The following MFSD11 variants were observed in gnomAD, a reference collection of about 807,000 sequenced individuals.
MFSD11 encodes the protein UNC93-like protein MFSD11.
Under a neutral mutation model 53.5 loss-of-function variants are expected in MFSD11, and 36 were observed. The observed-to-expected ratio is 0.67, with a 90% confidence interval of 0.52 to 0.89. The LOEUF is 0.89. MFSD11 is among the 40% of genes least tolerant of loss of function. The pLI, the probability that MFSD11 is intolerant of heterozygous loss-of-function variation, is 0.00. For missense variants in MFSD11, 530 were observed against 543.9 expected, an observed-to-expected ratio of 0.97 and a Z score of 0.25; for synonymous variants, 186 against 184.9, an observed-to-expected ratio of 1.01 and a Z score of -0.05.
rs570821553 is a variant in MFSD11, at chr17:76,739,688, T to C, written c.152+695T>C. ...GCTGTAGAAACAGTTTCTTAATTTC[T>C]CTAGAGTTAGAGATTGGATCGTGGC... is the stretch of plus-strand genomic sequence containing the variant. On this transcript the variant is annotated intron_variant, in intron 2 of 12. Coordinates refer to ENST00000685175, the MANE Select transcript of MFSD11 (RefSeq NM_001242532.5). Among the ~76,000 whole-genome samples, 4 of 152,314 alleles carry C rather than the reference T, an allele frequency of 2.6e-5. 1 individual carries two copies. Among genetic ancestry groups the C allele is most frequent in the African/African-American group, 9.6e-5 (4 of 41,564 alleles).
intron 10 of MFSD11, chr17:76,773,387 C>T (rs1312021696): frequency 6.6e-6 from 1 of 152,204 alleles, no homozygotes; most frequent in African/African-American, 2.4e-5. Context: ...CTTGCCAGCA[C>T]TTGGTGTTAT....
At chr17:76,736,652 C>T, upstream of MFSD11, 1 of 1,184,948 alleles carries the variant, frequency 8.4e-7, no homozygotes, top group South Asian at 2.3e-5. Context: ...CGGAAGCTCG[C>T]GGGGTGGCCG....
At chr17:76,790,812 C>T in the MFSD11 span, among the ~76,000 whole-genome samples, 1 of 139,136 alleles carries the variant, frequency 7.2e-6, no homozygotes, top group Non-Finnish European at 1.5e-5. Flanking sequence ...TGGTGGCACA[C>T]ACCTTGTAGT....
At chr17:76,740,333 T>A (rs1270175190) in intron 2 of MFSD11, among the ~76,000 whole-genome samples, 1 of 152,170 alleles carries the variant, frequency 6.6e-6, no homozygotes. Context: ...ACAAGACATA[T>A]GTACTAGGGC....
chr17:76,763,859 T>G (rs568824177), intron 8 of MFSD11, among the ~76,000 whole-genome samples: 1 of 151,658 alleles, frequency 6.6e-6, no homozygotes, highest in African/African-American at 2.4e-5. Context: ...GTACAACATG[T>G]TTTTGTTTTT....
In MFSD11 at chr17:76,776,379, T is replaced by A; in HGVS notation, c.1050-27T>A. The A allele has an allele frequency of 6.2e-7, 1 of 1,610,848 alleles. No homozygotes were observed. Among genetic ancestry groups the A allele is most frequent in the Non-Finnish European group, 8.5e-7 (1 of 1,179,048 alleles). On this transcript the variant is annotated intron_variant, in intron 11 of 12. Transcript: ENST00000685175. The surrounding 1 kb of genome is among the most constrained non-coding windows in gnomAD (Gnocchi z 4.2). ...AAATGGCTCTAGCAGATATTGCTCA[T>A]ACTAAATTGATTTTTATTTTCTTCA...
upstream of MFSD11, chr17:76,738,116 G>C (rs568859548): frequency 1.2e-5 from 6 of 516,940 alleles, no homozygotes; most frequent in Non-Finnish European, 2.0e-5. Flanking sequence ...TTCTCCGGGG[G>C]TTGTGCTCTT....
chr17:76,769,676 A>G (rs922631964), intron 9 of MFSD11, 70 bp from the exon 10 acceptor site: 2 of 1,227,720 alleles, frequency 1.6e-6, no homozygotes, highest in Non-Finnish European at 2.3e-6. Flanking sequence ...TTCGTCAGAT[A>G]CTACTAGATG....
At chr17:76,746,904 G>C (rs1343278461) in intron 7 of MFSD11, among the ~76,000 whole-genome samples, 1 of 151,870 alleles carries the variant, frequency 6.6e-6, no homozygotes, top group Non-Finnish European at 1.5e-5. Flanking sequence ...GGATCAAGGA[G>C]TAATTTCCAT....
chr17:76,758,491 A>G (rs2079870971), intron 8 of MFSD11, among the ~76,000 whole-genome samples: 1 of 150,784 alleles, frequency 6.6e-6, no homozygotes, highest in South Asian at 2.1e-4. Context: ...GCTGAGGTGG[A>G]AGGATTGCTT....
chr17:76,752,668 T>C (rs2079160721), intron 7 of MFSD11, among the ~76,000 whole-genome samples: 1 of 152,144 alleles, frequency 6.6e-6, no homozygotes, highest in South Asian at 2.1e-4. Context: ...AGTGCTGGGG[T>C]TCCAGGCGTG....
At chr17:76,794,703 TTTG>T in the MFSD11 span, among the ~76,000 whole-genome samples, 511 of 5,096 alleles carry the variant, frequency 0.1, 71 homozygotes, top group African/African-American at 0.16. Flanking sequence ...TTTTTTTTTT[TTTG>T]TTTTGAGATG....
chr17:76,768,002 A>G (rs765277012), intron 9 of MFSD11, among the ~76,000 whole-genome samples: 1 of 152,182 alleles, frequency 6.6e-6, no homozygotes, highest in Non-Finnish European at 1.5e-5. Context: ...GTAACTTTAT[A>G]TGGATTAAAA....
chr17:76,758,263 GT>G (rs1312833840), intron 8 of MFSD11, among the ~76,000 whole-genome samples: 1 of 151,962 alleles, frequency 6.6e-6, no homozygotes, highest in Non-Finnish European at 1.5e-5. Flanking sequence ...TAGATTAAAG[GT>G]TAAATATAAA....
At chr17:76,799,813 G>C in the MFSD11 span, among the ~76,000 whole-genome samples, 1 of 151,726 alleles carries the variant, frequency 6.6e-6, no homozygotes. Context: ...ATTCTATTAG[G>C]GGAAAAAAAC....
intron 9 of MFSD11, 125 bp downstream of exon 9, chr17:76,767,576 G>A: frequency 1.3e-5 from 8 of 618,292 alleles, no homozygotes; most frequent in Non-Finnish European, 2.0e-5. Flanking sequence ...TTCTTCTCAT[G>A]GTGTCACTTG....
rs1247619557 is a variant in MFSD11, at chr17:76,742,192, A to G, written c.356A>G (p.Gln119Arg). The change falls in exon 5 of 13, where the codon CAA (glutamine) becomes CGA (arginine). Residue 119 changes from glutamine to arginine, a missense_variant. Coordinates refer to ENST00000685175, the MANE Select transcript of MFSD11 (RefSeq NM_001242532.5). ...GIAAAVLWTA[Q>R]GNCLTINSDE... is the part of the protein sequence containing the mutation. ...TGAATTTTAGTGCTTTGGACAGCAC[A>G]AGGAAACTGCCTGACAATCAATTCG... 6.2e-6 allele frequency: 10 copies of G among 1,614,210 alleles called. No individual in the cohort carries two copies. Among genetic ancestry groups the G allele is most frequent in the Non-Finnish European group, 8.5e-6 (10 of 1,180,032 alleles).
chr17:76,773,995 G>A (rs1386250127), intron 10 of MFSD11, among the ~76,000 whole-genome samples: 1 of 151,768 alleles, frequency 6.6e-6, no homozygotes, highest in Non-Finnish European at 1.5e-5. Context: ...ACATGATCTT[G>A]GTTCACTGCA....
Position 76,744,430 on chromosome 17 carries a change from ATGAGTCTTC to A in MFSD11, c.609_617del (p.Glu203_Ser205del). 6.2e-7 allele frequency: 1 copy of A among 1,614,016 alleles called. No homozygotes were observed. Among genetic ancestry groups the A allele is most frequent in the Admixed American group, 1.7e-5 (1 of 59,990 alleles). On this transcript the variant is annotated inframe_deletion, in exon 7 of 13. Coordinates refer to ENST00000685175, the MANE Select transcript of MFSD11 (RefSeq NM_001242532.5). ...GATTCTGAAAATGTCCTAGGAGAAG[ATGAGTCTTC>A]TGATGACCAGGACATGGAAGTCAAC... is the stretch of plus-strand genomic sequence containing the variant.
Sources: allele counts gnomAD v4.1 joint callset (sites outside exome capture counted in the v4.1 genomes callset), GRCh38; gene constraint gnomAD v4.1.1; non-coding constraint Gnocchi (gnomAD v3.1); transcripts MANE v1.5; gene names NCBI Gene and HGNC (gene_info 2026-07-23, HGNC 2026-07-21).